The following ZEB2 variants were observed in gnomAD, a reference collection of about 807,000 sequenced individuals.
ZEB2 encodes zinc finger E-box binding homeobox 2, also known as zinc finger E-box-binding homeobox 2.
A neutral mutation model predicts 99.9 loss-of-function variants in ZEB2; 6 were observed. The ratio of observed to expected loss-of-function variants is 0.06; its 90% CI spans 0.03 to 0.12. ZEB2 has a LOEUF of 0.12. Ranked by LOEUF, ZEB2 falls within the 10% of genes least tolerant of loss-of-function variation. ZEB2 has a pLI of 1.00. For synonymous variants in ZEB2, 517 were observed against 542.5 expected (o/e 0.95, Z 0.65); for missense variants, 969 against 1,502.8 (o/e 0.64, Z 5.87).
chr2:144,423,555 C>T (rs976983911), intron 4 of ZEB2, among the ~76,000 whole-genome samples: 1 of 152,156 alleles, frequency 6.6e-6, no homozygotes, highest in Non-Finnish European at 1.5e-5. Flanking sequence ...GGAAAACTGA[C>T]TTGCCCAAGG....
intron 9 of ZEB2, among the ~76,000 whole-genome samples, chr2:144,392,636 A>G (rs1703167962): frequency 2.0e-5 from 3 of 152,216 alleles, no homozygotes; most frequent in Non-Finnish European, 4.4e-5. Context: ...TAGTCTACTG[A>G]TCTCCAGAAG....
chr2:144,439,723 T>C (rs1197716437), intron 2 of ZEB2, among the ~76,000 whole-genome samples: 1 of 152,260 alleles, frequency 6.6e-6, no homozygotes, highest in Non-Finnish European at 1.5e-5. Context: ...AGGAGCCTTT[T>C]TGTTCCTTTC....
At chr2:144,505,790 G>A (rs1429143615) in intron 2 of ZEB2, among the ~76,000 whole-genome samples, 1 of 152,108 alleles carries the variant, frequency 6.6e-6, no homozygotes, top group Non-Finnish European at 1.5e-5. Flanking sequence ...TTGTGGTCTT[G>A]GTTTCACAGG....
chr2:144,498,758 G>A (rs966593185), intron 2 of ZEB2, among the ~76,000 whole-genome samples: 3 of 152,138 alleles, frequency 2.0e-5, no homozygotes, highest in Non-Finnish European at 4.4e-5. Flanking sequence ...ATCAGGAAGG[G>A]TCATGAGGGA....
At chr2:144,504,789 CAG>C (rs938767289) in intron 2 of ZEB2, among the ~76,000 whole-genome samples, 13 of 152,270 alleles carry the variant, frequency 8.5e-5, no homozygotes, top group African/African-American at 2.9e-4. Context: ...ATAATAAAAA[CAG>C]AGGCAGTGCA....
In ZEB2 at chr2:144,399,809, C is replaced by A. The variant is rs747347956; in HGVS notation, c.1378G>T (p.Val460Leu). 6.2e-7 allele frequency: 1 copy of A among 1,614,108 alleles called. No homozygotes were observed. The highest frequency in any genetic ancestry group is 8.5e-7 in the Non-Finnish European group (1 of 1,180,016). Residue 460 changes from valine to leucine, a missense_variant, in exon 8 of 10, where the codon GTA becomes TTA. Val to Leu is a conservative substitution (Grantham distance 32). Transcript: ENST00000627532. The surrounding 1 kb of genome is among the most constrained non-coding windows in gnomAD (Gnocchi z 5.6). Reference sequence around the variant, plus strand: ...TCCACAATCTGTAGAACCTTTTGTACCTCACTTAAATTACTATTCATGGTG... The same window carrying A: ...TCCACAATCTGTAGAACCTTTTGTAACTCACTTAAATTACTATTCATGGTG... ...FPTMNSNLSEVQKVLQIVDNT... is the reference protein window; with the variant it reads ...FPTMNSNLSELQKVLQIVDNT...
At chr2:144,405,745 G>A (rs1047718486) in intron 4 of ZEB2, among the ~76,000 whole-genome samples, 2 of 152,238 alleles carry the variant, frequency 1.3e-5, no homozygotes, top group African/African-American at 4.8e-5. Context: ...AACAGAGGGA[G>A]TTAAGAAACT....
At chr2:144,489,744 A>C (rs1330172486) in intron 2 of ZEB2, among the ~76,000 whole-genome samples, 1 of 152,244 alleles carries the variant, frequency 6.6e-6, no homozygotes, top group Non-Finnish European at 1.5e-5. Context: ...CGAAACACAA[A>C]CAGGGCACGT....
chr2:144,517,683 T>G, intron 1 of ZEB2: 2 of 700,382 alleles, frequency 2.9e-6, no homozygotes, highest in South Asian at 3.0e-5. Context: ...TCATAACTCC[T>G]GACCGTATGA....
At chr2:144,424,689 G>T (rs965394601) in intron 4 of ZEB2, 107 bp downstream of exon 4, 2 of 1,339,430 alleles carry the variant, frequency 1.5e-6, no homozygotes, top group African/African-American at 1.4e-5. Context: ...TTGACTACTT[G>T]TTAAGTCATG....
At position 144,385,432 on chromosome 2, in the gene ZEB2, CCT is replaced by C. The variant is rs201291757; in HGVS notation, c.*4017_*4018del. 15 of 152,082 alleles carry C rather than the reference CCT, an allele frequency of 9.9e-5. No individual in the cohort carries two copies. The South Asian group carries it at 1.2e-3, about 13-fold the overall frequency. 9.4% of individuals were successfully genotyped at this position (152,082 alleles called of 1,614,324 possible). A position where few individuals can be genotyped will look rare whatever the true frequency, so the allele number is the denominator to read the frequency against. ...TGTGAATTCTTTGGTGTTTTTTCCC[CCT>C]CTTTTTTTAGTGCTATGATTGATGA... On this transcript the variant is annotated 3_prime_UTR_variant, in exon 10 of 10. Transcript: ENST00000627532.
intron 2 of ZEB2, among the ~76,000 whole-genome samples, chr2:144,510,567 A>G (rs952799213): frequency 6.6e-6 from 1 of 152,164 alleles, no homozygotes; most frequent in Non-Finnish European, 1.5e-5. Flanking sequence ...TTGTAACACT[A>G]TATGCCTGTC....
chr2:144,457,060 T>A (rs1337721099), intron 2 of ZEB2, among the ~76,000 whole-genome samples: 1 of 152,144 alleles, frequency 6.6e-6, no homozygotes, highest in Non-Finnish European at 1.5e-5. Flanking sequence ...TAGAAGACAA[T>A]GCATTTTTAG....
chr2:144,391,776 G>A (rs923143518), intron 9 of ZEB2, among the ~76,000 whole-genome samples: 11 of 152,136 alleles, frequency 7.2e-5, no homozygotes, highest in Admixed American at 2.6e-4. Context: ...AGGATAAGAC[G>A]TTTCTAGTCG....
At position 144,511,410 on chromosome 2, in the gene ZEB2, A is replaced by G. The variant is rs745357914; in HGVS notation, c.73+5868T>C. The G allele has an allele frequency of 6.5e-6, 8 of 1,222,030 alleles. No homozygotes were observed. In the South Asian group the frequency reaches 1.1e-4, roughly 17 times the overall value. The allele number at this position is 1,222,030 out of a possible 1,614,324, so 75.7% of individuals were successfully genotyped here. The stretch of plus-strand genomic sequence containing the variant: ...CACCTTAAAATGAAATCCTTTATTT[A>G]CTTTGTAACTACTAGTTACACTTTT... On this transcript the variant is annotated intron_variant, in intron 2 of 9. Coordinates refer to ENST00000627532, the MANE Select transcript of ZEB2 (RefSeq NM_014795.4).
At chr2:144,513,289 T>C in intron 2 of ZEB2, 2 of 1,291,386 alleles carry the variant, frequency 1.5e-6, no homozygotes, top group Non-Finnish European at 2.0e-6. Flanking sequence ...GCTCTTCTGA[T>C]TGTTTCTCCT....
At chr2:144,444,768 G>A (rs1363066506) in intron 2 of ZEB2, 1 of 152,206 alleles carries the variant, frequency 6.6e-6, no homozygotes, top group East Asian at 1.9e-4. Context: ...ACCCTGACAA[G>A]GAAGCCCACA....
At position 144,398,478 on chromosome 2, in the gene ZEB2, T is replaced by C; in HGVS notation, c.2709A>G (p.Ala903=). The C allele has an allele frequency of 6.2e-7, 1 of 1,614,040 alleles. No homozygotes were observed. The highest frequency in any genetic ancestry group is 8.5e-7 in the Non-Finnish European group (1 of 1,179,992). The change falls in exon 8 of 10, where the codon GCA becomes GCG. Residue 903 remains alanine (A), a synonymous_variant. Transcript: ENST00000627532. ...GTGGCATGAAAGTAGCAGGGGGAAA[T>C]GCGCTTTGAGGTGGAAGAGCTGTGT... ...PLYTALPPQS[A]FPPATFMPPV...
chr2:144,404,139 G>T lies in ZEB2; in HGVS notation c.593-9C>A. 1 of 1,613,612 alleles carries T rather than the reference G, an allele frequency of 6.2e-7. No homozygotes were observed. On this transcript the variant is annotated splice_polypyrimidine_tract_variant and intron_variant, in intron 5 of 9. Transcript: ENST00000627532. The stretch of plus-strand genomic sequence containing the variant: ...AGTTCCAGGTGGCAGGTCTGTAGCC[G>T]AGAGACAGAGAGAGAGAGAAGCGGG...
Sources: gnomAD v4.1 joint callset for allele counts (sites outside exome capture counted in the v4.1 genomes callset) on GRCh38, gnomAD v4.1.1 for gene constraint, Gnocchi (gnomAD v3.1) non-coding constraint, MANE v1.5 for transcripts, NCBI Gene and HGNC (gene_info 2026-07-23, HGNC 2026-07-21) for gene names.